Variants in GPR19 observed in about 807,000 individuals in gnomAD.
The protein encoded by GPR19 is probable G protein-coupled receptor 19.
A neutral mutation model predicts 28.5 loss-of-function variants in GPR19; 14 were observed. The ratio of observed to expected loss-of-function variants is 0.49; its 90% CI spans 0.32 to 0.77. The LOEUF is 0.77. Ranked by LOEUF, GPR19 falls within the 30% of genes least tolerant of loss-of-function variation. The pLI is 0.03. For missense variants in GPR19, 409 were observed against 504.1 expected (o/e 0.81, Z 1.81); for synonymous variants, 173 against 184.1 (o/e 0.94, Z 0.49).
chr12:12,699,091 T>G (rs1946299959), upstream of GPR19, among the ~76,000 whole-genome samples: 1 of 151,926 alleles, frequency 6.6e-6, no homozygotes, highest in South Asian at 2.1e-4. Flanking sequence ...GCCTGTAATC[T>G]CAGCACTTTG....
At chr12:12,677,930 T>C (rs74700440) in intron 3 of GPR19, among the ~76,000 whole-genome samples, 47,893 of 151,530 alleles carry the variant, frequency 0.32, 8,095 homozygotes, top group Middle Eastern at 0.45. Context: ...AAAAATTAGC[T>C]GGGCGTGGTG....
chr12:12,708,523 A>G, the GPR19 span, among the ~76,000 whole-genome samples: 1 of 152,168 alleles, frequency 6.6e-6, no homozygotes, highest in African/African-American at 2.4e-5. Flanking sequence ...AGCCTTAGTG[A>G]TATAATTGCA....
At chr12:12,709,970 T>C in the GPR19 span, among the ~76,000 whole-genome samples, 1 of 151,882 alleles carries the variant, frequency 6.6e-6, no homozygotes. Context: ...CCAGCAGAGG[T>C]TATGGGAACA....
At chr12:12,689,832 G>C (rs954300754) in intron 2 of GPR19, among the ~76,000 whole-genome samples, 1 of 152,136 alleles carries the variant, frequency 6.6e-6, no homozygotes, top group African/African-American at 2.4e-5. Context: ...TACTTACTCT[G>C]GGCAAGCCAG....
At chr12:12,706,684 C>T in the GPR19 span, among the ~76,000 whole-genome samples, 2 of 152,178 alleles carry the variant, frequency 1.3e-5, no homozygotes, top group Non-Finnish European at 2.9e-5. Context: ...TCTTCAGTTG[C>T]TTGGAGTCAT....
Position 12,696,053 on chromosome 12 carries a change from G to C in GPR19, c.-233+12C>G, listed in dbSNP as rs1946254180. On this transcript the variant is annotated intron_variant, in intron 1 of 3. Coordinates refer to ENST00000651487, the MANE Select transcript of GPR19 (RefSeq NM_006143.3). The stretch of plus-strand genomic sequence containing the variant: ...CGGCCAATATAAAAACGGAAAGAAG[G>C]GATGACCATACGAGCTTGTGGACTT... 1.3e-5 allele frequency: 2 copies of C among 152,214 alleles called. No homozygotes were observed. Among genetic ancestry groups the C allele is most frequent in the African/African-American group, 4.8e-5 (2 of 41,444 alleles). The allele number at this position is 152,214 out of a possible 1,614,324, so 9.4% of individuals were successfully genotyped here. A position where few individuals can be genotyped will look rare whatever the true frequency, so the allele number is the denominator to read the frequency against.
chr12:12,669,747 C>T (rs201206344), intron 3 of GPR19, among the ~76,000 whole-genome samples: 1 of 152,178 alleles, frequency 6.6e-6, no homozygotes, highest in East Asian at 1.9e-4. Context: ...TCCAGTAGGG[C>T]AGGGCTTTCA....
upstream of GPR19, among the ~76,000 whole-genome samples, chr12:12,700,056 T>C (rs1280089207): frequency 6.6e-6 from 1 of 150,944 alleles, no homozygotes; most frequent in African/African-American, 2.4e-5. Flanking sequence ...CAAGCGATCC[T>C]CCCACATCGG....
the GPR19 span, chr12:12,716,998 C>G: frequency 4.0e-6 from 4 of 996,456 alleles, no homozygotes; most frequent in Non-Finnish European, 4.8e-6. Context: ...CCCGGCTTCC[C>G]GGGCGAGGAG....
At chr12:12,688,193 C>T (rs768184598) in intron 2 of GPR19, among the ~76,000 whole-genome samples, 1 of 152,118 alleles carries the variant, frequency 6.6e-6, no homozygotes, top group South Asian at 2.1e-4. Flanking sequence ...GGGTCATCAT[C>T]TTAACCAAGT....
At chr12:12,676,534 G>T (rs1332699671) in intron 3 of GPR19, among the ~76,000 whole-genome samples, 1 of 152,140 alleles carries the variant, frequency 6.6e-6, no homozygotes, top group African/African-American at 2.4e-5. Flanking sequence ...GGTCTCCAAA[G>T]GAAAGATGAA....
intron 3 of GPR19, among the ~76,000 whole-genome samples, chr12:12,680,534 T>C (rs10845605): frequency 0.16 from 24,295 of 152,148 alleles, 2,473 homozygotes; most frequent in East Asian, 0.3. Flanking sequence ...TGAGATAGGG[T>C]CTTGCTTTGT....
At chr12:12,700,153 C>CT (rs1555083664), upstream of GPR19, among the ~76,000 whole-genome samples, 3 of 21,054 alleles carry the variant, frequency 1.4e-4, no homozygotes, top group East Asian at 3.7e-3. Flanking sequence ...TTTTTTCTCT[C>CT]TCTTTCTTTC....
intron 3 of GPR19, among the ~76,000 whole-genome samples, chr12:12,673,074 TG>T (rs1157290742): frequency 2.6e-5 from 4 of 152,178 alleles, no homozygotes; most frequent in Non-Finnish European, 5.9e-5. Context: ...GGCAGATGGC[TG>T]GTTAGCTGGT....
chr12:12,671,145 A>T (rs1490391380), intron 3 of GPR19, among the ~76,000 whole-genome samples: 3 of 151,498 alleles, frequency 2.0e-5, no homozygotes, highest in Non-Finnish European at 4.4e-5. Flanking sequence ...CTAAAAATAA[A>T]AAAAAAAAAA....
At chr12:12,697,843 A>C (rs866173304), upstream of GPR19, among the ~76,000 whole-genome samples, 4 of 152,310 alleles carry the variant, frequency 2.6e-5, no homozygotes, top group South Asian at 6.2e-4. Context: ...TACCAAAATG[A>C]GAAGTAACTT....
chr12:12,664,143 C>T (rs1021481116), intron 3 of GPR19, among the ~76,000 whole-genome samples: 2 of 152,106 alleles, frequency 1.3e-5, no homozygotes, highest in Admixed American at 6.5e-5. Flanking sequence ...GCGCGTGCCA[C>T]CATGCCTGGC....
the GPR19 span, among the ~76,000 whole-genome samples, chr12:12,710,366 A>AAAG: frequency 6.6e-6 from 1 of 151,486 alleles, no homozygotes; most frequent in Non-Finnish European, 1.5e-5. Flanking sequence ...AAAAAAAAAA[A>AAAG]AAAATACCAC....
chr12:12,666,091 G>A (rs935256952), intron 3 of GPR19, among the ~76,000 whole-genome samples: 20 of 152,124 alleles, frequency 1.3e-4, no homozygotes, highest in African/African-American at 4.8e-4. Flanking sequence ...CCAGGGGAGA[G>A]AGATAGCATG....
Sources: gnomAD v4.1 joint callset for allele counts (sites outside exome capture counted in the v4.1 genomes callset) on GRCh38, gnomAD v4.1.1 for gene constraint, MANE v1.5 for transcripts, NCBI Gene and HGNC (gene_info 2026-07-23, HGNC 2026-07-21) for gene names.